CCDC7: variants seen among roughly 807,000 people sequenced by gnomAD.
CCDC7 encodes coiled-coil domain-containing protein 7.
A neutral mutation model predicts 196.9 loss-of-function variants in CCDC7; 183 were observed. The ratio of observed to expected loss-of-function variants is 0.93; its 90% CI spans 0.82 to 1.05. The LOEUF (loss-of-function observed/expected upper bound fraction) is 1.05. CCDC7 is among the 50% of genes least tolerant of loss of function. The pLI is 0.00. For missense variants in CCDC7, 1,540 were observed against 1,482.2 expected, an observed-to-expected ratio of 1.04 and a Z score of -0.64; for synonymous variants, 525 against 484.6, an observed-to-expected ratio of 1.08 and a Z score of -1.10.
Position 32,827,119 on chromosome 10 carries a change from G to A in CCDC7, c.3268+2515G>A, listed in dbSNP as rs553182737. On this transcript the variant is annotated intron_variant, in intron 32 of 41. Transcript: ENST00000639629. ...AGTGGATAGGATGACCCATTCTGTG[G>A]ACACCACTCAGCCTCTTTCCCCAGC... 4.6e-5 allele frequency among the ~76,000 whole-genome samples: 7 copies of A among 152,284 alleles called. No homozygotes were observed. The South Asian group carries it at 1.2e-3, about 27-fold the overall frequency.
chr10:32,450,859 C>A (rs973314557), upstream of CCDC7, among the ~76,000 whole-genome samples: 7 of 152,036 alleles, frequency 4.6e-5, no homozygotes, highest in Non-Finnish European at 1.0e-4. Context: ...CTTCTGGCTT[C>A]TTCAGTCCGT....
intron 20 of CCDC7, 130 bp downstream of exon 21, chr10:32,635,288 T>G (rs1469115673): frequency 5.3e-6 from 2 of 379,298 alleles, no homozygotes; most frequent in African/African-American, 4.1e-5. Flanking sequence ...TATACTGGTG[T>G]CTCTATAATT....
At chr10:32,780,805 G>C (rs1012692301) in intron 29 of CCDC7, among the ~76,000 whole-genome samples, 3 of 152,072 alleles carry the variant, frequency 2.0e-5, no homozygotes, top group African/African-American at 7.2e-5. Context: ...AATGCAAATT[G>C]ATAAAACTCT....
intron 8 of CCDC7, among the ~76,000 whole-genome samples, chr10:32,488,289 G>A (rs1308619271): frequency 7.2e-5 from 11 of 152,220 alleles, no homozygotes; most frequent in Non-Finnish European, 1.0e-4. Flanking sequence ...CAAGCCAGGC[G>A]CGGGATATAA....
chr10:32,660,779 A>G (rs2071192738), intron 20 of CCDC7, among the ~76,000 whole-genome samples: 1 of 151,530 alleles, frequency 6.6e-6, no homozygotes, highest in Non-Finnish European at 1.5e-5. Flanking sequence ...CATATATAGA[A>G]AGCTGAAACT....
chr10:32,670,396 T>G (rs2073818178), intron 21 of CCDC7, among the ~76,000 whole-genome samples: 1 of 151,910 alleles, frequency 6.6e-6, no homozygotes, highest in East Asian at 1.9e-4. Flanking sequence ...TTTTTTAAAT[T>G]TATTATTATT....
chr10:32,840,266 A>G (rs889051243), intron 33 of CCDC7, among the ~76,000 whole-genome samples: 2 of 152,098 alleles, frequency 1.3e-5, no homozygotes, highest in African/African-American at 4.8e-5. Flanking sequence ...AAGATTAACC[A>G]AGGAAAGAAG....
At chr10:32,838,781 G>A (rs1314571362) in intron 33 of CCDC7, among the ~76,000 whole-genome samples, 1 of 151,968 alleles carries the variant, frequency 6.6e-6, no homozygotes, top group Non-Finnish European at 1.5e-5. Context: ...TTAACAGCAG[G>A]CTTCTCAGCA....
chr10:32,706,131 A>G (rs2079700837), intron 24 of CCDC7, among the ~76,000 whole-genome samples: 1 of 152,168 alleles, frequency 6.6e-6, no homozygotes, highest in African/African-American at 2.4e-5. Flanking sequence ...CTCAGACCAC[A>G]GTGCAATCAA....
intron 9 of CCDC7, among the ~76,000 whole-genome samples, chr10:32,497,425 T>C (rs2043090817): frequency 6.6e-6 from 1 of 152,224 alleles, no homozygotes; most frequent in South Asian, 2.1e-4. Context: ...ATTTCTTGTC[T>C]TCTTCTAGCT....
intron 16 of CCDC7, among the ~76,000 whole-genome samples, chr10:32,572,866 CTTTTTTTTTTTTTT>C (rs576270039): frequency 1.1e-5 from 1 of 90,354 alleles, no homozygotes; most frequent in Non-Finnish European, 2.0e-5. Context: ...AAGCATGGTG[CTTTTTTTTTTTTTT>C]TTTTTTTTTT....
chr10:32,550,076 T>C (rs1459693628), intron 13 of CCDC7, among the ~76,000 whole-genome samples: 2 of 152,146 alleles, frequency 1.3e-5, no homozygotes, highest in African/African-American at 4.8e-5. Flanking sequence ...GTTTGTGTCA[T>C]CTATGATTTA....
intron 31 of CCDC7, among the ~76,000 whole-genome samples, chr10:32,819,108 C>A (rs559622753): frequency 6.6e-6 from 1 of 151,880 alleles, no homozygotes; most frequent in Non-Finnish European, 1.5e-5. Flanking sequence ...ATCAAATAGA[C>A]GCAATAAAAA....
Position 32,490,430 on chromosome 10 carries a change from T to C in CCDC7, c.797-1492T>C, listed in dbSNP as rs571177334. Among the ~76,000 whole-genome samples, 240 of 152,362 alleles carry C rather than the reference T, an allele frequency of 1.6e-3. 1 individual carries two copies. The highest frequency in any genetic ancestry group is 5.5e-3 in the African/African-American group (228 of 41,586). Reference sequence around the variant, plus strand: ...GGCTGAAATAATAGTTGATGTTCCTTGTAGTCCTTTACCATATTTAGGGCA... The same window carrying C: ...GGCTGAAATAATAGTTGATGTTCCTCGTAGTCCTTTACCATATTTAGGGCA... On this transcript the variant is annotated intron_variant, in intron 8 of 41. Transcript: ENST00000639629.
chr10:32,849,701 C>CAAAAA (rs34677799), intron 39 of CCDC7, among the ~76,000 whole-genome samples: 146 of 79,548 alleles, frequency 1.8e-3, no homozygotes, highest in Middle Eastern at 8.3e-3. Context: ...GACTCCGTCT[C>CAAAAA]AAAAAAAAAA....
upstream of CCDC7, among the ~76,000 whole-genome samples, chr10:32,448,009 T>C (rs78424240): frequency 0.04 from 6,160 of 152,306 alleles, 129 homozygotes; most frequent in Middle Eastern, 0.051. Flanking sequence ...AGCATTGTGT[T>C]CTTCCTTCAA....
intron 41 of CCDC7, among the ~76,000 whole-genome samples, chr10:32,868,376 C>T (rs1465922054): frequency 6.6e-6 from 1 of 151,936 alleles, no homozygotes; most frequent in Non-Finnish European, 1.5e-5. Flanking sequence ...TCTGTATCTA[C>T]TCATCTGTTT....
At chr10:32,774,937 G>C (rs759329052) in intron 28 of CCDC7, among the ~76,000 whole-genome samples, 13 of 152,114 alleles carry the variant, frequency 8.5e-5, no homozygotes, top group Admixed American at 3.3e-4. Context: ...TGTTGTTGTT[G>C]TTAAAGAAGC....
chr10:32,552,560 G>A (rs989613282), intron 13 of CCDC7, among the ~76,000 whole-genome samples: 1 of 152,128 alleles, frequency 6.6e-6, no homozygotes, highest in African/African-American at 2.4e-5. Context: ...TGTGTTTCCA[G>A]GATTTGTTTC....
Sources: gnomAD v4.1 joint callset for allele counts (sites outside exome capture counted in the v4.1 genomes callset) on GRCh38, gnomAD v4.1.1 for gene constraint, MANE v1.5 for transcripts, NCBI Gene and HGNC (gene_info 2026-07-23, HGNC 2026-07-21) for gene names.